The following SHB variants were observed in gnomAD, a reference collection of about 807,000 sequenced individuals.
SHB encodes the protein SH2 domain-containing adapter protein B.
A neutral mutation model predicts 52.3 loss-of-function variants in SHB; 20 were observed. The ratio of observed to expected loss-of-function variants is 0.38; its 90% CI spans 0.27 to 0.56. The LOEUF (loss-of-function observed/expected upper bound fraction) is 0.56. Among genes scored for constraint, SHB ranks in the 20% least tolerant of loss-of-function variants. SHB has a pLI of 0.71. For missense variants in SHB, 825 were observed against 723.3 expected (o/e 1.14, Z -1.61); for synonymous variants, 397 against 316.5 (o/e 1.25, Z -2.70).
chr9:38,036,376 CTG>C (rs1248971887), intron 1 of SHB, among the ~76,000 whole-genome samples: 1 of 152,230 alleles, frequency 6.6e-6, no homozygotes, highest in Admixed American at 6.5e-5. Context: ...GCTGTAAAAA[CTG>C]TATTTCTTCA....
At chr9:37,997,660 T>G (rs1390077093) in intron 2 of SHB, among the ~76,000 whole-genome samples, 1 of 152,200 alleles carries the variant, frequency 6.6e-6, no homozygotes, top group Non-Finnish European at 1.5e-5. Flanking sequence ...CCTAAAGTAC[T>G]GCTACCCCAA....
chr9:37,974,557 G>A, intron 3 of SHB, 65 bp downstream of exon 3: 1 of 1,409,242 alleles, frequency 7.1e-7, no homozygotes, highest in South Asian at 1.2e-5. Context: ...AGCGCAGGTG[G>A]GGACCAAGGT....
chr9:37,953,376 G>A (rs190295549), intron 4 of SHB, among the ~76,000 whole-genome samples: 8 of 152,048 alleles, frequency 5.3e-5, no homozygotes, highest in Non-Finnish European at 1.5e-5. Flanking sequence ...CCCTCATGGA[G>A]TTTCTGTTCT....
intron 3 of SHB, among the ~76,000 whole-genome samples, chr9:37,958,615 A>T (rs920834314): frequency 6.6e-6 from 1 of 152,172 alleles, no homozygotes; most frequent in Non-Finnish European, 1.5e-5. Flanking sequence ...ACAGACAGCA[A>T]TGACCTCAAG....
intron 3 of SHB, among the ~76,000 whole-genome samples, chr9:37,959,137 G>C (rs1587213363): frequency 1.3e-5 from 2 of 152,190 alleles, no homozygotes; most frequent in African/African-American, 2.4e-5. Flanking sequence ...AAAGGTGATG[G>C]AGGCTGACCC....
chr9:38,023,210 G>A (rs983742421), intron 1 of SHB, among the ~76,000 whole-genome samples: 6 of 152,200 alleles, frequency 3.9e-5, no homozygotes, highest in African/African-American at 7.2e-5. Flanking sequence ...CGCCAGGCAG[G>A]GACAGTCCAG....
intron 2 of SHB, among the ~76,000 whole-genome samples, chr9:37,990,816 C>T (rs1410000699): frequency 1.3e-5 from 2 of 152,166 alleles, no homozygotes; most frequent in South Asian, 2.1e-4. Context: ...TACAGTCACA[C>T]GGAATCGTTC....
intron 1 of SHB, among the ~76,000 whole-genome samples, chr9:38,044,165 A>G (rs964722272): frequency 6.6e-6 from 1 of 152,204 alleles, no homozygotes; most frequent in Non-Finnish European, 1.5e-5. Context: ...GTGCAGCCCA[A>G]CACCTCATTA....
chr9:37,946,323 G>C (rs1382027680), intron 5 of SHB, among the ~76,000 whole-genome samples: 1 of 152,242 alleles, frequency 6.6e-6, no homozygotes, highest in Non-Finnish European at 1.5e-5. Context: ...AGTGAGGAGG[G>C]GAAATGACGC....
chr9:38,067,070 G>A (rs533464645), intron 1 of SHB, among the ~76,000 whole-genome samples: 4 of 152,332 alleles, frequency 2.6e-5, no homozygotes, highest in African/African-American at 9.6e-5. Context: ...AGGGGACCTA[G>A]TCTGGCTGTA....
intron 3 of SHB, among the ~76,000 whole-genome samples, chr9:37,968,914 T>C (rs1820562175): frequency 6.6e-6 from 1 of 152,082 alleles, no homozygotes; most frequent in African/African-American, 2.4e-5. Flanking sequence ...GACTCTATGG[T>C]ATACGGGCCC....
At chr9:38,065,239 G>T (rs1267315569) in intron 1 of SHB, among the ~76,000 whole-genome samples, 2 of 152,220 alleles carry the variant, frequency 1.3e-5, no homozygotes, top group Non-Finnish European at 2.9e-5. Flanking sequence ...GAAAACAACT[G>T]CTTCCTGACT....
At chr9:38,065,802 C>T (rs563729971) in intron 1 of SHB, among the ~76,000 whole-genome samples, 1 of 152,346 alleles carries the variant, frequency 6.6e-6, no homozygotes, top group South Asian at 2.1e-4. Context: ...CTCCCTGACT[C>T]AGGCCCTGCC....
chr9:38,003,203 G>A (rs1216291886), intron 2 of SHB, among the ~76,000 whole-genome samples: 2 of 152,020 alleles, frequency 1.3e-5, no homozygotes, highest in Admixed American at 6.5e-5. Context: ...GGGCAGGGAT[G>A]GGCGAGCCAA....
At chr9:37,926,135 A>G (rs1477260253) in intron 5 of SHB, among the ~76,000 whole-genome samples, 1 of 152,110 alleles carries the variant, frequency 6.6e-6, no homozygotes, top group African/African-American at 2.4e-5. Flanking sequence ...GAGGGTGACC[A>G]TGGCAAGGTA....
At chr9:37,955,606 T>C (rs989397553) in intron 4 of SHB, among the ~76,000 whole-genome samples, 1 of 152,162 alleles carries the variant, frequency 6.6e-6, no homozygotes. Flanking sequence ...GTCTCCCAAG[T>C]AGCTGGAACT....
intron 2 of SHB, among the ~76,000 whole-genome samples, chr9:37,994,023 G>T (rs4242643): frequency 2.0e-5 from 3 of 152,064 alleles, no homozygotes; most frequent in Non-Finnish European, 2.9e-5. Flanking sequence ...ACAGCACCCC[G>T]TCTCCTTTGC....
chr9:38,067,955 C>T lies in SHB; in HGVS notation c.691G>A (p.Glu231Lys). The change falls in exon 1 of 6, where the codon GAG becomes AAG. Residue 231 changes from glutamate (E) to lysine (K), a missense_variant. Physicochemically the swap from Glu to Lys is moderately conservative, Grantham distance 56 (BLOSUM62 1). Coordinates refer to ENST00000377707, the MANE Select transcript of SHB (RefSeq NM_003028.3). ...LNKCAASAAE[E>K]SGAGKKDKVT... is the part of the protein sequence containing the mutation. Reference sequence around the variant, plus strand: ...TTGTCCTTCTTGCCGGCCCCGCTCTCCTCCGCGGCTGAGGCGGCGCACTTG... The same window carrying T: ...TTGTCCTTCTTGCCGGCCCCGCTCTTCTCCGCGGCTGAGGCGGCGCACTTG... The T allele has an allele frequency of 6.5e-7, 1 of 1,549,904 alleles. No individual in the cohort carries two copies. The highest frequency in any genetic ancestry group is 1.9e-5 in the Admixed American group (1 of 54,020).
intron 3 of SHB, among the ~76,000 whole-genome samples, chr9:37,972,065 T>C (rs745528373): frequency 1.3e-5 from 2 of 152,156 alleles, no homozygotes; most frequent in Non-Finnish European, 2.9e-5. Flanking sequence ...AGTAACAAGA[T>C]GCCAGACTAG....
Sources: gnomAD v4.1 joint callset for allele counts (sites outside exome capture counted in the v4.1 genomes callset) on GRCh38, gnomAD v4.1.1 for gene constraint, MANE v1.5 for transcripts, NCBI Gene and HGNC (gene_info 2026-07-23, HGNC 2026-07-21) for gene names.